The following FRYL variants were observed in gnomAD, a reference collection of about 807,000 sequenced individuals.
The protein encoded by FRYL is protein furry homolog-like.
In FRYL, 150 loss-of-function variants were observed where a neutral mutation model predicts 351.2. The ratio of observed to expected loss-of-function variants is 0.43; its 90% CI spans 0.37 to 0.49. The LOEUF is 0.49. FRYL is among the 20% of genes least tolerant of loss of function. FRYL has a pLI of 0.00. For missense variants in FRYL, 3,036 were observed against 3,619.3 expected, an observed-to-expected ratio of 0.84 and a Z score of 4.13; for synonymous variants, 1,153 against 1,257.1, an observed-to-expected ratio of 0.92 and a Z score of 1.75.
At chr4:48,505,290 G>C (rs1301391398) in intron 60 of FRYL, 2 of 510,024 alleles carry the variant, frequency 3.9e-6, no homozygotes, top group Non-Finnish European at 7.1e-6. Context: ...GGACTGTCCA[G>C]ATATCCATCA....
chr4:48,763,402 C>T (rs1273365609), intron 1 of FRYL, among the ~76,000 whole-genome samples: 2 of 151,856 alleles, frequency 1.3e-5, no homozygotes, highest in African/African-American at 2.4e-5. Context: ...TTCCAGGCTG[C>T]AGTGAGCTAT....
At position 48,553,066 on chromosome 4, in the gene FRYL, T is replaced by C. The variant is rs1733249436; in HGVS notation, c.4435+149A>G. 4.1e-5 allele frequency: 23 copies of C among 562,074 alleles called. No homozygotes were observed. The South Asian group carries it at 5.0e-4, about 12-fold the overall frequency. The allele number at this position is 562,074 out of a possible 1,614,324, so 34.8% of individuals were successfully genotyped here. Reference sequence around the variant, plus strand: ...GCTTCTCTTTCAATACTGAGGAAGATTTGTTTTTTTCTTTTAATAAATTTT... The same window carrying C: ...GCTTCTCTTTCAATACTGAGGAAGACTTGTTTTTTTCTTTTAATAAATTTT... On this transcript the variant is annotated intron_variant, in intron 36 of 63. Transcript: ENST00000358350.
chr4:48,502,757 G>T, intron 61 of FRYL, 71 bp downstream of exon 61: 1 of 1,232,658 alleles, frequency 8.1e-7, no homozygotes, highest in Non-Finnish European at 1.2e-6. Context: ...GTCACAAATG[G>T]ACAAATGGCA....
chr4:48,729,821 G>C (rs1770527458), intron 1 of FRYL, among the ~76,000 whole-genome samples: 1 of 152,140 alleles, frequency 6.6e-6, no homozygotes, highest in South Asian at 2.1e-4. Context: ...CCAAAAACCA[G>C]AACGCCTCTT....
intron 1 of FRYL, among the ~76,000 whole-genome samples, chr4:48,768,242 T>C (rs954956864): frequency 2.6e-5 from 4 of 152,188 alleles, no homozygotes; most frequent in South Asian, 2.1e-4. Flanking sequence ...CTCATCTGAA[T>C]TGCGATAGCA....
chr4:48,680,047 C>G (rs1764374086), intron 3 of FRYL, among the ~76,000 whole-genome samples: 1 of 151,884 alleles, frequency 6.6e-6, no homozygotes, highest in Non-Finnish European at 1.5e-5. Context: ...AATGAAAAAG[C>G]AAGTATCAGA....
chr4:48,644,169 C>T (rs1278038229), intron 3 of FRYL, among the ~76,000 whole-genome samples: 1 of 151,956 alleles, frequency 6.6e-6, no homozygotes, highest in Non-Finnish European at 1.5e-5. Context: ...CTCGAACTCC[C>T]GACCTCAGGT....
rs1400004690 is a variant in FRYL, at chr4:48,566,609, G to A, written c.3169+639C>T. ...GACCCTGTTATAAAATACAACCCAT[G>A]TTCTTTAGGTATCCACTGTCTGTAT... is the stretch of plus-strand genomic sequence containing the variant. On this transcript the variant is annotated intron_variant, in intron 28 of 63. Coordinates refer to ENST00000358350, the MANE Select transcript of FRYL (RefSeq NM_015030.2). Among the ~76,000 whole-genome samples the A allele has an allele frequency of 9.9e-5, 15 of 152,210 alleles. No individual in the cohort carries two copies. The East Asian group carries it at 2.9e-3, about 29-fold the overall frequency.
chr4:48,562,482 T>C (rs1735743423), intron 32 of FRYL, among the ~76,000 whole-genome samples: 1 of 152,240 alleles, frequency 6.6e-6, no homozygotes, highest in Admixed American at 6.5e-5. Context: ...CTTTCTAAGT[T>C]ATTTCTCCTC....
At chr4:48,557,353 T>C in intron 34 of FRYL, 100 bp downstream of exon 34, 1 of 1,442,506 alleles carries the variant, frequency 6.9e-7, no homozygotes, top group Non-Finnish European at 9.4e-7. Context: ...AGATATTTGT[T>C]TGGTTATCAC....
At chr4:48,589,279 GA>G (rs1190763466) in intron 18 of FRYL, among the ~76,000 whole-genome samples, 8 of 152,038 alleles carry the variant, frequency 5.3e-5, no homozygotes, top group African/African-American at 1.9e-4. Flanking sequence ...GGTGGGGTGG[GA>G]TGAGGTAGTG....
At chr4:48,759,802 T>C (rs1202038812) in intron 1 of FRYL, among the ~76,000 whole-genome samples, 1 of 152,116 alleles carries the variant, frequency 6.6e-6, no homozygotes, top group African/African-American at 2.4e-5. Flanking sequence ...TGTGATGACA[T>C]TAGGCCCAGC....
chr4:48,638,626 T>C (rs1754723530), intron 3 of FRYL: 1 of 152,170 alleles, frequency 6.6e-6, no homozygotes, highest in South Asian at 2.1e-4. Context: ...CAAAGGATTA[T>C]AAATCATTCT....
chr4:48,501,819 T>C, intron 61 of FRYL, 86 bp from the exon 62 acceptor site: 2 of 864,212 alleles, frequency 2.3e-6, no homozygotes, highest in South Asian at 3.0e-5. Context: ...AAAATTGTCT[T>C]GTCGTTTATT....
At chr4:48,581,765 G>A (rs1298711941) in intron 20 of FRYL, among the ~76,000 whole-genome samples, 160 bp from the exon 21 acceptor site, 2 of 152,204 alleles carry the variant, frequency 1.3e-5, no homozygotes, top group Non-Finnish European at 2.9e-5. Context: ...ATGGAATAGT[G>A]TGCACAGTGA....
intron 1 of FRYL, among the ~76,000 whole-genome samples, chr4:48,739,733 C>T (rs1169344329): frequency 1.3e-5 from 2 of 152,186 alleles, no homozygotes; most frequent in African/African-American, 4.8e-5. Context: ...ATGTCTGCCT[C>T]CTCCAAAACT....
intron 1 of FRYL, among the ~76,000 whole-genome samples, chr4:48,767,432 A>G (rs1454288500): frequency 3.9e-5 from 6 of 152,204 alleles, no homozygotes; most frequent in Non-Finnish European, 8.8e-5. Context: ...GTGGGGACAC[A>G]AAGCCAAACC....
At chr4:48,645,992 T>G (rs1756387276) in intron 3 of FRYL, 1 of 152,196 alleles carries the variant, frequency 6.6e-6, no homozygotes, top group Non-Finnish European at 1.5e-5. Context: ...TGGAATCATC[T>G]TCTTATTTTC....
At chr4:48,764,102 G>T (rs1231033094) in intron 1 of FRYL, among the ~76,000 whole-genome samples, 1 of 152,102 alleles carries the variant, frequency 6.6e-6, no homozygotes, top group East Asian at 1.9e-4. Flanking sequence ...CACAAGAAGC[G>T]AAGGTCATAG....
Sources: gnomAD v4.1 joint callset for allele counts (sites outside exome capture counted in the v4.1 genomes callset) on GRCh38, gnomAD v4.1.1 for gene constraint, MANE v1.5 for transcripts, NCBI Gene and HGNC (gene_info 2026-07-23, HGNC 2026-07-21) for gene names.